NREP: variants seen among roughly 807,000 people sequenced by gnomAD.
NREP encodes neuronal regeneration related protein.
A neutral mutation model predicts 8.6 loss-of-function variants in NREP; 5 were observed. That is an observed-to-expected ratio of 0.58 (90% CI 0.30 to 1.22). The LOEUF (loss-of-function observed/expected upper bound fraction) is 1.22, where lower values mean the gene tolerates loss of function less well. Ranked by LOEUF, NREP falls within the 50% of genes most tolerant of loss-of-function variation. The pLI is 0.07. For synonymous variants in NREP, 27 were observed against 28.0 expected, an observed-to-expected ratio of 0.96 and a Z score of 0.11; for missense variants, 86 against 82.5, an observed-to-expected ratio of 1.04 and a Z score of -0.17.
chr5:111,757,630 G>T, upstream of NREP: 3 of 983,006 alleles, frequency 3.1e-6, no homozygotes, highest in Non-Finnish European at 3.6e-6. Flanking sequence ...CCGACACCCC[G>T]CACCCGCGCC....
intron 1 of NREP, among the ~76,000 whole-genome samples, chr5:111,756,641 T>C (rs1278189793): frequency 2.6e-5 from 4 of 152,010 alleles, no homozygotes; most frequent in East Asian, 3.9e-4. Context: ...TTCAACTGCT[T>C]TATAAGAAAA....
intron 2 of NREP, among the ~76,000 whole-genome samples, chr5:111,831,771 C>T (rs116599806): frequency 2.2e-3 from 341 of 152,338 alleles, no homozygotes; most frequent in African/African-American, 7.6e-3. Context: ...GGACACAACA[C>T]TTCTTTCTTT....
intron 2 of NREP, among the ~76,000 whole-genome samples, chr5:111,946,101 CAT>C (rs1491449248): frequency 0.016 from 948 of 57,580 alleles, 7 homozygotes; most frequent in East Asian, 0.085. Context: ...CACACACACA[CAT>C]AAGAAAATAA....
At chr5:111,881,140 G>T (rs192813881) in intron 2 of NREP, among the ~76,000 whole-genome samples, 25 of 152,264 alleles carry the variant, frequency 1.6e-4, no homozygotes, top group South Asian at 6.2e-4. Context: ...GTGCTTTTCC[G>T]ACAGGCTTAA....
chr5:111,774,579 T>C (rs1171856515), intron 2 of NREP, among the ~76,000 whole-genome samples: 1 of 152,172 alleles, frequency 6.6e-6, no homozygotes, highest in Non-Finnish European at 1.5e-5. Flanking sequence ...AACGAGTCAG[T>C]GTCCTTCTGT....
intron 3 of NREP, chr5:111,731,709 C>G (rs1748599508): frequency 2.0e-5 from 3 of 152,228 alleles, no homozygotes; most frequent in Non-Finnish European, 4.4e-5. Flanking sequence ...TTCAGCTCAT[C>G]TAGACTGACT....
At chr5:111,881,043 G>A (rs191075918) in intron 2 of NREP, among the ~76,000 whole-genome samples, 78 of 152,360 alleles carry the variant, frequency 5.1e-4, no homozygotes, top group East Asian at 1.2e-3. Context: ...CTCGGGAAGC[G>A]TAAGAGATCA....
At chr5:111,757,906 G>C (rs953415137), upstream of NREP, 1 of 985,310 alleles carries the variant, frequency 1.0e-6, no homozygotes, top group East Asian at 1.1e-4. Flanking sequence ...CGCCAGGGCC[G>C]TGGGGAGAGG....
chr5:111,903,076 T>C (rs1754686172), intron 2 of NREP, among the ~76,000 whole-genome samples: 1 of 148,700 alleles, frequency 6.7e-6, no homozygotes, highest in African/African-American at 2.5e-5. Context: ...TTGTCTTGTC[T>C]TTTCTCTTTT....
At chr5:111,768,163 C>T in intron 2 of NREP, among the ~76,000 whole-genome samples, 1 of 152,136 alleles carries the variant, frequency 6.6e-6, no homozygotes, top group East Asian at 1.9e-4. Context: ...CAAAAAGAAG[C>T]TGCCCCTCTC....
intron 2 of NREP, among the ~76,000 whole-genome samples, chr5:111,900,473 TG>T (rs1754620567): frequency 6.6e-6 from 1 of 150,828 alleles, no homozygotes; most frequent in Non-Finnish European, 1.5e-5. Context: ...ATCAAGAAAA[TG>T]AAAAGTTTTT....
rs11357466 is a variant in NREP, at chr5:111,894,449, A to AT, written c.135+80824dup. On this transcript the variant is annotated intron_variant, in intron 2 of 3. Coordinates refer to the NREP transcript ENST00000395634. ...TTTCCTGTCAGCATAATCTTGAGGG[A>AT]TTTTTTTTTTTTCAGTTAGAGGTCC... Among the ~76,000 whole-genome samples the AT allele has an allele frequency of 1.3e-3, 196 of 147,548 alleles. No homozygotes were observed. The East Asian group carries it at 0.021, about 16-fold the overall frequency.
Position 111,775,156 on chromosome 5 carries a change from G to T in NREP, c.136-39649C>A, listed in dbSNP as rs78065729. Among the ~76,000 whole-genome samples, 715 of 152,166 alleles carry T rather than the reference G, an allele frequency of 4.7e-3. 7 individuals are homozygous for T. Among genetic ancestry groups the T allele is most frequent in the African/African-American group, 0.016 (679 of 41,528 alleles). On this transcript the variant is annotated intron_variant, in intron 2 of 3. Transcript: ENST00000395634. ...TCCTTCTGCCTTAGCCCCGAAAGTAGCTGGGAGTACGGATGCACGCCACCA... is the reference window on the plus strand; with the variant it reads ...TCCTTCTGCCTTAGCCCCGAAAGTATCTGGGAGTACGGATGCACGCCACCA...
chr5:111,801,738 G>A (rs1463176622), intron 2 of NREP, among the ~76,000 whole-genome samples: 3 of 152,084 alleles, frequency 2.0e-5, no homozygotes, highest in Admixed American at 6.6e-5. Flanking sequence ...AACTGTCATT[G>A]TACAATACAA....
At chr5:111,859,359 A>C (rs543923716) in intron 2 of NREP, among the ~76,000 whole-genome samples, 1 of 152,284 alleles carries the variant, frequency 6.6e-6, no homozygotes, top group East Asian at 1.9e-4. Context: ...CCATCCAAAG[A>C]AAGGGAAATG....
At chr5:111,763,794 G>C (rs755160407) in intron 2 of NREP, among the ~76,000 whole-genome samples, 2 of 152,216 alleles carry the variant, frequency 1.3e-5, no homozygotes, top group Admixed American at 1.3e-4. Flanking sequence ...GCGCGCACGC[G>C]CATGCTTATT....
At chr5:111,891,142 T>C (rs978702117) in intron 2 of NREP, among the ~76,000 whole-genome samples, 1 of 152,230 alleles carries the variant, frequency 6.6e-6, no homozygotes, top group Non-Finnish European at 1.5e-5. Flanking sequence ...TCGTGCCATG[T>C]CTAGAACACT....
intron 2 of NREP, among the ~76,000 whole-genome samples, chr5:111,932,117 CAAA>C (rs57518070): frequency 9.5e-5 from 11 of 115,564 alleles, no homozygotes; most frequent in Non-Finnish European, 1.3e-4. Context: ...AGACTTTTTG[CAAA>C]AAAAAAAAAA....
intron 2 of NREP, among the ~76,000 whole-genome samples, chr5:111,808,469 A>C (rs1393274489): frequency 6.6e-6 from 1 of 152,244 alleles, no homozygotes; most frequent in African/African-American, 2.4e-5. Flanking sequence ...AACTTTATCA[A>C]GTCCCATCAG....
Sources: gnomAD v4.1 joint callset for allele counts (sites outside exome capture counted in the v4.1 genomes callset) on GRCh38, gnomAD v4.1.1 for gene constraint, MANE v1.5 for transcripts, NCBI Gene and HGNC (gene_info 2026-07-23, HGNC 2026-07-21) for gene names.